LINGO2: variants seen among roughly 807,000 people sequenced by gnomAD.
LINGO2 encodes leucine-rich repeat and immunoglobulin-like domain-containing nogo receptor-interacting protein 2.
Under a neutral mutation model 30.6 loss-of-function variants are expected in LINGO2, and 14 were observed. The observed-to-expected ratio is 0.46, with a 90% CI of 0.30 to 0.72. The LOEUF (loss-of-function observed/expected upper bound fraction) is 0.72. Ranked by LOEUF, LINGO2 falls within the 30% of genes least tolerant of loss-of-function variation. The pLI, the probability that LINGO2 is intolerant of heterozygous loss-of-function variation, is 0.07. For missense variants in LINGO2, 729 were observed against 751.7 expected (o/e 0.97, Z 0.35); for synonymous variants, 317 against 288.5 (o/e 1.10, Z -1.00).
At chr9:28,186,978 C>G (rs1165802005) in intron 4 of LINGO2, among the ~76,000 whole-genome samples, 1 of 152,062 alleles carries the variant, frequency 6.6e-6, no homozygotes, top group Non-Finnish European at 1.5e-5. Flanking sequence ...GTGACATGAT[C>G]TCACTTATAT....
the LINGO2 span, among the ~76,000 whole-genome samples, chr9:28,725,552 C>T: frequency 7.1e-6 from 1 of 141,326 alleles, no homozygotes; most frequent in South Asian, 2.3e-4. Flanking sequence ...AACAAAATCT[C>T]AATCCATGGA....
At chr9:28,050,265 G>T (rs1043927007) in intron 4 of LINGO2, among the ~76,000 whole-genome samples, 1 of 150,678 alleles carries the variant, frequency 6.6e-6, no homozygotes, top group African/African-American at 2.5e-5. Context: ...ACAAAAATGA[G>T]TAAGACATAC....
At chr9:28,379,369 T>C (rs1319846206) in intron 2 of LINGO2, among the ~76,000 whole-genome samples, 2 of 152,082 alleles carry the variant, frequency 1.3e-5, no homozygotes, top group African/African-American at 4.8e-5. Context: ...TCATGATTTT[T>C]TTCTCTCTCA....
At position 28,051,225 on chromosome 9, in the gene LINGO2, C is replaced by CAG. The variant is rs1403880682; in HGVS notation, c.-86-38821_-86-38820insCT. 4.0e-4 allele frequency among the ~76,000 whole-genome samples: 56 copies of CAG among 141,050 alleles called. No homozygotes were observed. The East Asian group carries it at 9.0e-3, about 23-fold the overall frequency. 92.5% of individuals were successfully genotyped at this position (141,050 alleles called of 152,430 possible). ...CAACACCATCAGCTAGTATAGTTTT[C>CAG]TCCAAAGTGAAGACTGAAAACTATC... On this transcript the variant is annotated intron_variant, in intron 4 of 5. Transcript: ENST00000379992.
chr9:28,296,666 G>T (rs140503749), intron 3 of LINGO2, among the ~76,000 whole-genome samples: 1 of 152,148 alleles, frequency 6.6e-6, no homozygotes, highest in Non-Finnish European at 1.5e-5. Context: ...CCTTGCACTA[G>T]AATGCAGCAC....
chr9:28,471,920 A>C (rs1239956293), intron 2 of LINGO2, among the ~76,000 whole-genome samples: 1 of 152,204 alleles, frequency 6.6e-6, no homozygotes, highest in Non-Finnish European at 1.5e-5. Context: ...ATCTCACAGC[A>C]TAATATTGAG....
the LINGO2 span, among the ~76,000 whole-genome samples, chr9:29,131,479 T>C: frequency 2.0e-5 from 3 of 151,838 alleles, no homozygotes; most frequent in African/African-American, 4.8e-5. Flanking sequence ...GCCATCCCAA[T>C]CCCCGCTCTA....
rs367683023 is a variant in LINGO2 at position 28,310,557 on chromosome 9, G to A, written c.-245-15191C>T. Among the ~76,000 whole-genome samples, 29 of 152,172 alleles carry A rather than the reference G, an allele frequency of 1.9e-4. No individual in the cohort carries two copies. The East Asian group carries it at 4.8e-3, about 25-fold the overall frequency. On this transcript the variant is annotated intron_variant, in intron 3 of 5. Coordinates refer to ENST00000379992, the Ensembl canonical transcript of LINGO2. ...CATTCTGTAATCATAGCAGTTCTGC[G>A]CCTGAGGACGCAGAGAGGAAACAGG...
chr9:29,029,364 T>TA, the LINGO2 span, among the ~76,000 whole-genome samples: 1 of 152,192 alleles, frequency 6.6e-6, no homozygotes, highest in Non-Finnish European at 1.5e-5. Context: ...TGCAGCATAA[T>TA]AATTGATGCT....
At chr9:28,923,656 A>G in the LINGO2 span, among the ~76,000 whole-genome samples, 1 of 152,172 alleles carries the variant, frequency 6.6e-6, no homozygotes, top group South Asian at 2.1e-4. Context: ...TTGAATGTAG[A>G]CGACATAAGA....
At chr9:29,150,718 T>C in the LINGO2 span, among the ~76,000 whole-genome samples, 3 of 152,078 alleles carry the variant, frequency 2.0e-5, no homozygotes, top group African/African-American at 7.2e-5. Flanking sequence ...TTTTTTTGAT[T>C]TAACGAACAA....
At chr9:29,203,270 A>G in the LINGO2 span, among the ~76,000 whole-genome samples, 5 of 152,174 alleles carry the variant, frequency 3.3e-5, no homozygotes, top group Non-Finnish European at 7.4e-5. Flanking sequence ...AAAAATATCA[A>G]TTAAAACCAT....
At chr9:28,764,064 A>T in the LINGO2 span, among the ~76,000 whole-genome samples, 3 of 151,946 alleles carry the variant, frequency 2.0e-5, no homozygotes, top group South Asian at 6.2e-4. Context: ...AGCAAGGACT[A>T]GATGACTTAA....
At chr9:28,172,023 A>C (rs1828603747) in intron 4 of LINGO2, among the ~76,000 whole-genome samples, 1 of 90,942 alleles carries the variant, frequency 1.1e-5, no homozygotes, top group Non-Finnish European at 2.1e-5. Flanking sequence ...TCTCAAAAAA[A>C]AAAAAAAAAA....
At chr9:28,056,072 GA>G (rs1824927809) in intron 4 of LINGO2, among the ~76,000 whole-genome samples, 1 of 152,154 alleles carries the variant, frequency 6.6e-6, no homozygotes, top group Non-Finnish European at 1.5e-5. Flanking sequence ...AGAGAAAAAA[GA>G]AAGGAGCTCC....
chr9:28,266,682 G>A (rs547151244), intron 4 of LINGO2, among the ~76,000 whole-genome samples: 18 of 152,052 alleles, frequency 1.2e-4, no homozygotes, highest in African/African-American at 4.3e-4. Context: ...TAATGCAGAG[G>A]CAGTTAAACC....
chr9:28,260,430 C>T (rs1822525968), intron 4 of LINGO2, among the ~76,000 whole-genome samples: 1 of 151,812 alleles, frequency 6.6e-6, no homozygotes, highest in African/African-American at 2.4e-5. Context: ...TCAGAGATAT[C>T]TTAGGATCCT....
intron 5 of LINGO2, among the ~76,000 whole-genome samples, chr9:27,988,108 T>G (rs1208671401): frequency 6.6e-6 from 1 of 152,038 alleles, no homozygotes; most frequent in African/African-American, 2.4e-5. Context: ...TGGTGTTTGT[T>G]TTTTTGTCCT....
exon 6 of LINGO2, chr9:27,950,673 ACT>A (rs1174150352): frequency 1.0e-5 from 15 of 1,497,098 alleles, no homozygotes; most frequent in South Asian, 8.5e-5. Context: ...GTGAAGCATG[ACT>A]CCACTTCTTA....
Sources: allele counts gnomAD v4.1 joint callset (sites outside exome capture counted in the v4.1 genomes callset), GRCh38; gene constraint gnomAD v4.1.1; transcripts MANE v1.5; gene names NCBI Gene and HGNC (gene_info 2026-07-23, HGNC 2026-07-21).